Variants in INPP4B observed in about 807,000 individuals in gnomAD.
INPP4B encodes the protein inositol polyphosphate 4-phosphatase type II.
A neutral mutation model predicts 122.5 loss-of-function variants in INPP4B; 55 were observed. That is an observed-to-expected ratio of 0.45 (90% CI 0.36 to 0.56). The LOEUF (loss-of-function observed/expected upper bound fraction) is 0.56, where lower values mean the gene tolerates loss of function less well. INPP4B is among the 20% of genes least tolerant of loss of function. The probability of loss-of-function intolerance (pLI) is 0.00; values close to 1 mark genes in which losing one functional copy is unlikely to be tolerated. For missense variants in INPP4B, 1,000 were observed against 1,097.7 expected (o/e 0.91, Z 1.26); for synonymous variants, 403 against 388.7 (o/e 1.04, Z -0.43).
chr4:142,542,808 C>T (rs1033159408), intron 2 of INPP4B, among the ~76,000 whole-genome samples: 4 of 152,114 alleles, frequency 2.6e-5, no homozygotes, highest in Admixed American at 2.6e-4. Flanking sequence ...TCCTAATACT[C>T]ATAACTCAGT....
chr4:142,380,825 G>GT (rs1231306481), intron 7 of INPP4B, among the ~76,000 whole-genome samples: 4 of 151,552 alleles, frequency 2.6e-5, no homozygotes, highest in Admixed American at 2.0e-4. Flanking sequence ...TTCATTATTA[G>GT]TTTTTTTAAA....
In INPP4B at chr4:142,455,827, C is replaced by A. The variant is rs571676654; in HGVS notation, c.-127+6836G>T. On this transcript the variant is annotated intron_variant, in intron 3 of 25. Coordinates refer to ENST00000262992, the MANE Select transcript of INPP4B (RefSeq NM_001101669.3). ...CTTGCCAGCATTTGTTATTTCCTGT[C>A]TTTTGGATAAAAAGCATTTAACTGG... 2.4e-4 allele frequency among the ~76,000 whole-genome samples: 37 copies of A among 151,994 alleles called. No homozygotes were observed. In the South Asian group the frequency reaches 7.3e-3, roughly 30 times the overall value.
At chr4:142,506,656 A>C (rs1246255542) in intron 2 of INPP4B, among the ~76,000 whole-genome samples, 3 of 152,184 alleles carry the variant, frequency 2.0e-5, no homozygotes, top group Non-Finnish European at 4.4e-5. Context: ...AGAGTGAAAA[A>C]AGACAAGGCC....
chr4:142,036,060 T>C (rs1269562032), intron 25 of INPP4B, among the ~76,000 whole-genome samples: 1 of 152,090 alleles, frequency 6.6e-6, no homozygotes, highest in Non-Finnish European at 1.5e-5. Context: ...CCTCCTTCCC[T>C]CTCCCCTCTA....
chr4:142,051,648 C>T (rs894750267), intron 25 of INPP4B, among the ~76,000 whole-genome samples: 2 of 151,932 alleles, frequency 1.3e-5, no homozygotes, highest in African/African-American at 4.8e-5. Context: ...TTAACATCAG[C>T]GTTGCTCTAC....
At chr4:142,651,920 A>C (rs1406520715) in intron 2 of INPP4B, among the ~76,000 whole-genome samples, 1 of 152,206 alleles carries the variant, frequency 6.6e-6, no homozygotes, top group Non-Finnish European at 1.5e-5. Flanking sequence ...ACACAACAAA[A>C]AAAGAATTTT....
At chr4:142,486,860 G>C (rs1183852063) in intron 2 of INPP4B, among the ~76,000 whole-genome samples, 3 of 152,150 alleles carry the variant, frequency 2.0e-5, no homozygotes, top group Non-Finnish European at 4.4e-5. Context: ...CTCAGTAAAT[G>C]CCTTGATGCC....
intron 2 of INPP4B, among the ~76,000 whole-genome samples, chr4:142,722,880 C>G (rs1297723331): frequency 1.3e-5 from 2 of 152,036 alleles, no homozygotes; most frequent in African/African-American, 2.4e-5. Context: ...TATTAATCAA[C>G]CTGCAAGTTA....
intron 2 of INPP4B, among the ~76,000 whole-genome samples, chr4:142,520,389 C>A (rs148094696): frequency 1.3e-5 from 2 of 151,848 alleles, no homozygotes; most frequent in East Asian, 3.9e-4. Flanking sequence ...CATTTAATAC[C>A]CATATTAATA....
intron 1 of INPP4B, among the ~76,000 whole-genome samples, chr4:142,801,866 C>T (rs1003652140): frequency 6.6e-6 from 1 of 152,012 alleles, no homozygotes; most frequent in African/African-American, 2.4e-5. Context: ...GTGGTCCTGT[C>T]GAGTTTTTTT....
intron 2 of INPP4B, among the ~76,000 whole-genome samples, chr4:142,600,147 C>A (rs1739595698): frequency 1.3e-5 from 2 of 152,054 alleles, no homozygotes. Flanking sequence ...GATCTAGACA[C>A]CCAGATTCAG....
Position 142,028,610 on chromosome 4 carries a change from T to A in INPP4B, c.*172A>T. On this transcript the variant is annotated 3_prime_UTR_variant, in exon 26 of 26. Coordinates refer to ENST00000262992, the MANE Select transcript of INPP4B (RefSeq NM_001101669.3). The stretch of plus-strand genomic sequence containing the variant: ...GTAAGATTTTTTAAAATGGATTTCT[T>A]TCAGAGCAATATGCTGATGATGAAT... 1 of 617,112 alleles carries A rather than the reference T, an allele frequency of 1.6e-6. No individual in the cohort carries two copies. 38.2% of individuals were successfully genotyped at this position (617,112 alleles called of 1,614,324 possible). A position where few individuals can be genotyped will look rare whatever the true frequency, so the allele number is the denominator to read the frequency against.
At chr4:142,741,148 G>T (rs549918131) in intron 1 of INPP4B, among the ~76,000 whole-genome samples, 1 of 152,130 alleles carries the variant, frequency 6.6e-6, no homozygotes, top group South Asian at 2.1e-4. Flanking sequence ...GGCCATTCTT[G>T]TGTTGTTATA....
At chr4:142,504,914 G>C (rs1823814037) in intron 2 of INPP4B, among the ~76,000 whole-genome samples, 1 of 152,024 alleles carries the variant, frequency 6.6e-6, no homozygotes, top group South Asian at 2.1e-4. Context: ...GATGTGATGT[G>C]ATTGGTATGG....
At chr4:142,723,038 A>AT (rs61255053) in intron 2 of INPP4B, among the ~76,000 whole-genome samples, 1 of 151,582 alleles carries the variant, frequency 6.6e-6, no homozygotes, top group African/African-American at 2.4e-5. Flanking sequence ...ACATCAAATA[A>AT]ACCAAAATAA....
intron 2 of INPP4B, among the ~76,000 whole-genome samples, chr4:142,526,685 T>C (rs1365493565): frequency 6.6e-6 from 1 of 152,112 alleles, no homozygotes; most frequent in Non-Finnish European, 1.5e-5. Flanking sequence ...CTTCAGAGGT[T>C]TGAAACATGT....
chr4:142,629,132 G>T (rs1321519505), intron 2 of INPP4B, among the ~76,000 whole-genome samples: 9 of 152,002 alleles, frequency 5.9e-5, no homozygotes, highest in African/African-American at 1.9e-4. Flanking sequence ...GTGCCCAGTG[G>T]TTCTTCTCTC....
At chr4:142,625,778 A>G (rs112811770) in intron 2 of INPP4B, among the ~76,000 whole-genome samples, 3,342 of 152,290 alleles carry the variant, frequency 0.022, 51 homozygotes, top group Middle Eastern at 0.088. Flanking sequence ...CTGGTACCAA[A>G]ACAGAGATAT....
intron 1 of INPP4B, among the ~76,000 whole-genome samples, chr4:142,745,398 C>CTT (rs1252900328): frequency 6.6e-6 from 1 of 151,776 alleles, no homozygotes; most frequent in Admixed American, 6.6e-5. Flanking sequence ...AAACTATGTC[C>CTT]TGCAGGAAAA....
Sources: allele counts gnomAD v4.1 joint callset (sites outside exome capture counted in the v4.1 genomes callset), GRCh38; gene constraint gnomAD v4.1.1; transcripts MANE v1.5; gene names NCBI Gene and HGNC (gene_info 2026-07-23, HGNC 2026-07-21).